The following OTUD7A variants were observed in gnomAD, a reference collection of about 807,000 sequenced individuals.
OTUD7A encodes the protein OTU domain-containing protein 7A.
OTUD7A carries 12 observed loss-of-function variants against 65.7 expected under a neutral mutation model. The ratio of observed to expected loss-of-function variants is 0.18; its 90% confidence interval spans 0.12 to 0.30. OTUD7A has a LOEUF of 0.30. Among genes scored for constraint, OTUD7A ranks in the 10% least tolerant of loss-of-function variants. The pLI is 1.00. For missense variants in OTUD7A, 1,148 were observed against 1,304.8 expected (o/e 0.88, Z 1.85); for synonymous variants, 641 against 586.3 (o/e 1.09, Z -1.35).
rs113608573 is a variant in OTUD7A at position 31,665,969 on chromosome 15, C to T, written c.-99-8892G>A. Among the ~76,000 whole-genome samples, 691 of 151,230 alleles carry T rather than the reference C, an allele frequency of 4.6e-3. 3 individuals carry two copies. Among genetic ancestry groups the T allele is most frequent in the African/African-American group, 0.016 (664 of 41,186 alleles). Reference sequence around the variant, plus strand: ...GTGGTACATTGCGTTTATTGACTTGCGTATGTGAAATCATCCCTTCATCCC... The same window carrying T: ...GTGGTACATTGCGTTTATTGACTTGTGTATGTGAAATCATCCCTTCATCCC... On this transcript the variant is annotated intron_variant, in intron 1 of 12. Transcript: ENST00000307050.
At chr15:31,756,186 T>C (rs1894807423) in intron 1 of OTUD7A, among the ~76,000 whole-genome samples, 1 of 152,258 alleles carries the variant, frequency 6.6e-6, no homozygotes, top group South Asian at 2.1e-4. Context: ...GTGGGTCCTC[T>C]GTTGCTTTTT....
At chr15:31,703,862 C>T (rs1460151693) in intron 1 of OTUD7A, among the ~76,000 whole-genome samples, 2 of 150,818 alleles carry the variant, frequency 1.3e-5, no homozygotes, top group African/African-American at 4.8e-5. Flanking sequence ...AATGCCCATA[C>T]CATGAAATAC....
chr15:31,753,721 T>TATTATATATATATATATTA (rs879561188), intron 1 of OTUD7A, among the ~76,000 whole-genome samples: 1 of 106,778 alleles, frequency 9.4e-6, no homozygotes, highest in Admixed American at 9.2e-5. Flanking sequence ...TATATATATA[T>TATTATATATATATATATTA]TATATATATA....
At chr15:31,552,981 C>G (rs1888372511) in intron 5 of OTUD7A, among the ~76,000 whole-genome samples, 1 of 152,160 alleles carries the variant, frequency 6.6e-6, no homozygotes, top group African/African-American at 2.4e-5. Context: ...AGAGATGACT[C>G]ACAGCAGCCG....
chr15:31,637,604 T>C (rs1440312461), intron 3 of OTUD7A, among the ~76,000 whole-genome samples: 3 of 152,374 alleles, frequency 2.0e-5, no homozygotes, highest in South Asian at 4.1e-4. Context: ...TAGTGATTCC[T>C]CTGATAGATC....
chr15:31,541,992 G>A (rs1314618016), intron 5 of OTUD7A, among the ~76,000 whole-genome samples: 2 of 152,132 alleles, frequency 1.3e-5, no homozygotes, highest in Non-Finnish European at 2.9e-5. Flanking sequence ...TTTGTGGCTT[G>A]GAACCAGTAA....
intron 1 of OTUD7A, among the ~76,000 whole-genome samples, chr15:31,860,445 A>C (rs1197109251): frequency 6.6e-6 from 1 of 151,746 alleles, no homozygotes; most frequent in African/African-American, 2.4e-5. Context: ...TGCATTTAAC[A>C]AACATGAATG....
At chr15:31,582,905 T>C (rs1889414554) in intron 3 of OTUD7A, among the ~76,000 whole-genome samples, 1 of 152,158 alleles carries the variant, frequency 6.6e-6, no homozygotes, top group African/African-American at 2.4e-5. Flanking sequence ...AAAGGAAGTG[T>C]TCATGATCTA....
At chr15:31,593,616 G>A (rs933990569) in intron 3 of OTUD7A, among the ~76,000 whole-genome samples, 1 of 152,128 alleles carries the variant, frequency 6.6e-6, no homozygotes, top group Non-Finnish European at 1.5e-5. Context: ...GGACATGGAG[G>A]CCACCTCTGG....
Position 31,515,168 on chromosome 15 carries a change from C to T in OTUD7A, c.893+11181G>A, listed in dbSNP as rs140418335. Among the ~76,000 whole-genome samples, 81 of 152,272 alleles carry T rather than the reference C, an allele frequency of 5.3e-4. 1 individual carries two copies. The Middle Eastern group carries it at 0.01, about 19-fold the overall frequency. On this transcript the variant is annotated intron_variant, in intron 8 of 12. Transcript: ENST00000307050. ...CTAGAAATGTGGAGCACTGTTCCTT[C>T]CCTAATTCAAGGAATGGAGGGGGCA...
chr15:31,575,227 G>T (rs926452644), intron 3 of OTUD7A, among the ~76,000 whole-genome samples: 18 of 152,170 alleles, frequency 1.2e-4, no homozygotes, highest in Middle Eastern at 3.4e-3. Context: ...ACAGAAACAG[G>T]GCTTCCCCAT....
At chr15:31,772,832 T>C (rs915579773) in intron 1 of OTUD7A, among the ~76,000 whole-genome samples, 3 of 152,260 alleles carry the variant, frequency 2.0e-5, no homozygotes, top group Non-Finnish European at 2.9e-5. Flanking sequence ...TCTTAAATTC[T>C]AACTGTGGTT....
In OTUD7A at chr15:31,484,014, GGCGGCGGCGGCGGCA is replaced by G. The variant is rs761156581; in HGVS notation, c.2067_2081del (p.Ala692_Ala696del). ...GCGGCGGCCGCTTGGCCGTGGCGGC[GGCGGCGGCGGCGGCA>G]GCGGCGGCCGCAGTAGCGGCGTCGC... is the stretch of plus-strand genomic sequence containing the variant. On this transcript the variant is annotated inframe_deletion, in exon 13 of 13. Transcript: ENST00000307050. This position sits in a 1 kb window ranked among gnomAD's most constrained non-coding sequence, Gnocchi z 4.5. The G allele has an allele frequency of 7.1e-5, 85 of 1,192,082 alleles. No individual in the cohort carries two copies. The highest frequency in any genetic ancestry group is 2.5e-4 in the Middle Eastern group (1 of 3,944). 73.8% of individuals were successfully genotyped at this position (1,192,082 alleles called of 1,614,324 possible).
intron 1 of OTUD7A, among the ~76,000 whole-genome samples, chr15:31,847,382 C>T (rs1487806740): frequency 6.6e-6 from 1 of 152,210 alleles, no homozygotes; most frequent in African/African-American, 2.4e-5. Flanking sequence ...AGCCGCTCTC[C>T]TCCACTAAGG....
chr15:31,856,432 G>A (rs1448246556), intron 1 of OTUD7A, among the ~76,000 whole-genome samples: 1 of 152,146 alleles, frequency 6.6e-6, no homozygotes, highest in African/African-American at 2.4e-5. Context: ...GCAAAGGAAA[G>A]AGTAAAAACT....
chr15:31,814,794 G>A (rs565354931), intron 1 of OTUD7A, among the ~76,000 whole-genome samples: 2 of 152,270 alleles, frequency 1.3e-5, no homozygotes, highest in East Asian at 1.9e-4. Flanking sequence ...AAAGTGCTGG[G>A]ATTACAGGTG....
chr15:31,483,274 C>CTCGCG lies in OTUD7A; in HGVS notation c.*19_*20insCGCGA. The CTCGCG allele has an allele frequency of 2.8e-6, 3 of 1,085,800 alleles. No individual in the cohort carries two copies. The highest frequency in any genetic ancestry group is 3.3e-6 in the Non-Finnish European group (3 of 896,656). 67.3% of individuals were successfully genotyped at this position (1,085,800 alleles called of 1,614,324 possible). A position where few individuals can be genotyped will look rare whatever the true frequency, so the allele number is the denominator to read the frequency against. On this transcript the variant is annotated 3_prime_UTR_variant, in exon 13 of 13. Coordinates refer to ENST00000307050, the MANE Select transcript of OTUD7A (RefSeq NM_001382637.1). ...AATCCTCGAAGGTAGAACCTCGCCG[C>CTCGCG]CCGCGCCGCGCCGCGCCGCTCAGGG...
intron 3 of OTUD7A, among the ~76,000 whole-genome samples, chr15:31,624,795 A>C (rs1890901598): frequency 6.6e-6 from 1 of 152,136 alleles, no homozygotes; most frequent in South Asian, 2.1e-4. Context: ...GCTTCAGCAA[A>C]CTGCACAGAA....
chr15:31,821,330 G>T, intron 1 of OTUD7A, among the ~76,000 whole-genome samples: 1 of 132,700 alleles, frequency 7.5e-6, no homozygotes, highest in African/African-American at 2.9e-5. Flanking sequence ...TTTTTTAGTA[G>T]AGATGCGGTT....
Sources: gnomAD v4.1 joint callset for allele counts (sites outside exome capture counted in the v4.1 genomes callset) on GRCh38, gnomAD v4.1.1 for gene constraint, Gnocchi (gnomAD v3.1) non-coding constraint, MANE v1.5 for transcripts, NCBI Gene and HGNC (gene_info 2026-07-23, HGNC 2026-07-21) for gene names.